XXYLT1: variants seen among roughly 807,000 people sequenced by gnomAD.
XXYLT1 encodes UDP-xylose:alpha-xyloside alpha-1,3-xylosyltransferase.
In XXYLT1, 20 loss-of-function variants were observed where a neutral mutation model predicts 28.9. The ratio of observed to expected loss-of-function variants is 0.69; its 90% confidence interval spans 0.49 to 1.00. The LOEUF (loss-of-function observed/expected upper bound fraction) is 1.00, where lower values mean the gene tolerates loss of function less well. Among genes scored for constraint, XXYLT1 ranks in the 50% least tolerant of loss-of-function variants. The pLI is 0.00. For missense variants in XXYLT1, 542 were observed against 560.1 expected, an observed-to-expected ratio of 0.97 and a Z score of 0.33; for synonymous variants, 257 against 253.8, an observed-to-expected ratio of 1.01 and a Z score of -0.12.
At chr3:195,112,957 GTT>G (rs1717858313) in intron 3 of XXYLT1, among the ~76,000 whole-genome samples, 2 of 152,244 alleles carry the variant, frequency 1.3e-5, no homozygotes, top group Non-Finnish European at 2.9e-5. Flanking sequence ...GAGAACATGG[GTT>G]TCAAAATCCA....
At chr3:195,125,610 C>T (rs1467258164) in intron 3 of XXYLT1, among the ~76,000 whole-genome samples, 2 of 152,242 alleles carry the variant, frequency 1.3e-5, no homozygotes, top group Non-Finnish European at 2.9e-5. Context: ...GGGTCATCCT[C>T]CATCAGAACT....
Position 195,211,277 on chromosome 3 carries a change from C to T in XXYLT1, c.652+15432G>A, listed in dbSNP as rs144213987. Among the ~76,000 whole-genome samples the T allele has an allele frequency of 6.2e-3, 944 of 152,258 alleles. 11 individuals are homozygous for T. The highest frequency in any genetic ancestry group is 0.022 in the African/African-American group (921 of 41,536). On this transcript the variant is annotated intron_variant, in intron 2 of 3. Coordinates refer to ENST00000310380, the MANE Select transcript of XXYLT1 (RefSeq NM_152531.5). ...GGCGTGGTGGCTCACGCCTGTAATC[C>T]CAGCTACTTGGGAGGCTGAGGCAGG...
intron 2 of XXYLT1, among the ~76,000 whole-genome samples, chr3:195,218,519 C>T (rs1271001838): frequency 1.3e-5 from 2 of 150,302 alleles, no homozygotes; most frequent in Non-Finnish European, 1.5e-5. Flanking sequence ...TGAACAGACA[C>T]TTCTCAAAAG....
At chr3:195,118,656 G>A (rs1453640592) in intron 3 of XXYLT1, among the ~76,000 whole-genome samples, 1 of 149,480 alleles carries the variant, frequency 6.7e-6, no homozygotes, top group Non-Finnish European at 1.5e-5. Context: ...TGCCCCAGGG[G>A]CATACACAAG....
intron 3 of XXYLT1, among the ~76,000 whole-genome samples, chr3:195,081,292 C>G (rs1715419382): frequency 6.6e-6 from 1 of 152,116 alleles, no homozygotes; most frequent in South Asian, 2.1e-4. Flanking sequence ...TGAAAATGGC[C>G]ATACAACAGG....
intron 1 of XXYLT1, among the ~76,000 whole-genome samples, chr3:195,260,699 G>T (rs2108853770): frequency 6.6e-6 from 1 of 152,328 alleles, no homozygotes; most frequent in Non-Finnish European, 1.5e-5. Flanking sequence ...CCCTCAAACA[G>T]CAGAGGAGGT....
In XXYLT1 at chr3:195,226,790, G is replaced by GCTT. The variant is rs1724074630; in HGVS notation, c.568_570dup (p.Lys190dup). On this transcript the variant is annotated inframe_insertion, in exon 2 of 4. Coordinates refer to ENST00000310380, the MANE Select transcript of XXYLT1 (RefSeq NM_152531.5). Reference sequence around the variant, plus strand: ...TAGGTTCCCAAGCCAGCACTGAAGTGCTTCTGCATGGCCTCCACGATGGGG... The same window carrying GCTT: ...TAGGTTCCCAAGCCAGCACTGAAGTGCTTCTTCTGCATGGCCTCCACGATGGGG... 1 of 1,613,704 alleles carries GCTT rather than the reference G, an allele frequency of 6.2e-7. No individual in the cohort carries two copies. The highest frequency in any genetic ancestry group is 1.3e-5 in the African/African-American group (1 of 74,784).
At chr3:195,117,318 T>C (rs1338111096) in intron 3 of XXYLT1, among the ~76,000 whole-genome samples, 1 of 152,182 alleles carries the variant, frequency 6.6e-6, no homozygotes, top group Admixed American at 6.5e-5. Context: ...AGTAAGAATG[T>C]TGAATCAGAT....
At chr3:195,079,804 AAGAG>A (rs1159879898) in intron 3 of XXYLT1, among the ~76,000 whole-genome samples, 1 of 152,124 alleles carries the variant, frequency 6.6e-6, no homozygotes, top group African/African-American at 2.4e-5. Flanking sequence ...GGGTTTGAGA[AAGAG>A]AGAATCTGTT....
intron 3 of XXYLT1, chr3:195,146,639 A>G (rs1036090108): frequency 2.0e-5 from 3 of 152,230 alleles, no homozygotes; most frequent in African/African-American, 7.2e-5. Context: ...ACTCCGAGAG[A>G]CTTTTCAGAG....
intron 1 of XXYLT1, among the ~76,000 whole-genome samples, chr3:195,243,414 C>T (rs151180808): frequency 1.5e-4 from 22 of 151,336 alleles, no homozygotes; most frequent in Non-Finnish European, 2.2e-4. Context: ...AAATTTCCAC[C>T]GAGAACCTTT....
chr3:195,161,894 A>G, intron 2 of XXYLT1, among the ~76,000 whole-genome samples: 1 of 152,214 alleles, frequency 6.6e-6, no homozygotes, highest in African/African-American at 2.4e-5. Context: ...CTAGGATTAC[A>G]GGTGTGAGCC....
chr3:195,242,695 G>A (rs568696072), intron 1 of XXYLT1, among the ~76,000 whole-genome samples: 2 of 152,214 alleles, frequency 1.3e-5, no homozygotes, highest in South Asian at 4.1e-4. Context: ...ATTTGTCCAG[G>A]TATGTTATTT....
intron 3 of XXYLT1, among the ~76,000 whole-genome samples, chr3:195,118,489 G>GT (rs1398756492): frequency 1.9e-5 from 2 of 105,598 alleles, no homozygotes; most frequent in African/African-American, 6.9e-5. Context: ...GGCTGCACAG[G>GT]TGACGCCAGG....
chr3:195,116,034 T>G (rs950620559), intron 3 of XXYLT1, among the ~76,000 whole-genome samples: 2 of 152,130 alleles, frequency 1.3e-5, no homozygotes, highest in Non-Finnish European at 2.9e-5. Context: ...TTACGTGGAC[T>G]TGATGGGCCT....
At chr3:195,228,723 C>T (rs1490302333) in intron 1 of XXYLT1, among the ~76,000 whole-genome samples, 4 of 151,966 alleles carry the variant, frequency 2.6e-5, no homozygotes, top group Admixed American at 6.5e-5. Flanking sequence ...CTCCTGACCT[C>T]GTGATGCGCC....
intron 3 of XXYLT1, among the ~76,000 whole-genome samples, chr3:195,151,457 G>C (rs1037147239): frequency 6.6e-6 from 1 of 152,160 alleles, no homozygotes; most frequent in Non-Finnish European, 1.5e-5. Context: ...TTGAACCTGG[G>C]AGGCGGTGGC....
chr3:195,213,266 T>TC (rs1159480900), intron 2 of XXYLT1, among the ~76,000 whole-genome samples: 2 of 149,244 alleles, frequency 1.3e-5, no homozygotes, highest in Non-Finnish European at 3.0e-5. Context: ...TTTCTTTCTT[T>TC]TTTTTTTTTT....
chr3:195,155,977 G>A (rs758399482), intron 3 of XXYLT1, among the ~76,000 whole-genome samples: 15 of 152,256 alleles, frequency 9.9e-5, no homozygotes, highest in African/African-American at 1.9e-4. Flanking sequence ...AGCATCATGC[G>A]GAATGCGCTT....
Sources: allele counts gnomAD v4.1 joint callset (sites outside exome capture counted in the v4.1 genomes callset), GRCh38; gene constraint gnomAD v4.1.1; transcripts MANE v1.5; gene names NCBI Gene and HGNC (gene_info 2026-07-23, HGNC 2026-07-21).